Variants in KANSL1L observed in about 807,000 individuals in gnomAD.
The protein encoded by KANSL1L is KAT8 regulatory NSL complex subunit 1 like.
Under a neutral mutation model 108.6 loss-of-function variants are expected in KANSL1L, and 25 were observed. The ratio of observed to expected loss-of-function variants is 0.23; its 90% CI spans 0.17 to 0.32. The LOEUF (loss-of-function observed/expected upper bound fraction) is 0.32, where lower values mean the gene tolerates loss of function less well. Among genes scored for constraint, KANSL1L ranks in the 10% least tolerant of loss-of-function variants. The probability of loss-of-function intolerance (pLI) is 1.00; values close to 1 mark genes in which losing one functional copy is unlikely to be tolerated. For synonymous variants in KANSL1L, 405 were observed against 395.1 expected (o/e 1.03, Z -0.30); for missense variants, 1,137 against 1,125.7 (o/e 1.01, Z -0.14).
intron 6 of KANSL1L, among the ~76,000 whole-genome samples, chr2:210,048,374 CTT>C (rs984862462): frequency 1.8e-4 from 27 of 151,910 alleles, no homozygotes; most frequent in African/African-American, 5.6e-4. Flanking sequence ...TCTGTGCTGT[CTT>C]TTGTGTAATT....
chr2:210,121,687 G>A lies in KANSL1L; in HGVS notation c.1230+7344C>T, dbSNP rs372968967. ...GAAGAAGAAATAAAACTTTTTGGGG[G>A]GCAAATTTTTTAAAAAAGAAAAAGA... On this transcript the variant is annotated intron_variant, in intron 3 of 14. Transcript: ENST00000281772. 1.3e-4 allele frequency among the ~76,000 whole-genome samples: 20 copies of A among 151,914 alleles called. 1 individual carries two copies. The highest frequency in any genetic ancestry group is 4.8e-4 in the African/African-American group (20 of 41,416).
At chr2:210,057,505 T>A (rs1283942882) in intron 6 of KANSL1L, among the ~76,000 whole-genome samples, 1 of 152,008 alleles carries the variant, frequency 6.6e-6, no homozygotes, top group Admixed American at 6.6e-5. Context: ...ATTGAGACCA[T>A]CCTGGGTAAC....
intron 4 of KANSL1L, among the ~76,000 whole-genome samples, chr2:210,101,390 T>C (rs547042640): frequency 6.6e-6 from 1 of 152,176 alleles, no homozygotes; most frequent in Non-Finnish European, 1.5e-5. Flanking sequence ...ACTGGGGATA[T>C]CAAGGAGAAA....
rs369477361 is a variant in KANSL1L at position 210,064,432 on chromosome 2, C to T, written c.1755+11120G>A. 3 of 152,038 alleles carry T rather than the reference C, an allele frequency of 2.0e-5. No individual in the cohort carries two copies. The East Asian group carries it at 5.8e-4, about 29-fold the overall frequency. The allele number at this position is 152,038 out of a possible 1,614,324, so 9.4% of individuals were successfully genotyped here. A position where few individuals can be genotyped will look rare whatever the true frequency, so the allele number is the denominator to read the frequency against. The stretch of plus-strand genomic sequence containing the variant: ...TATGCTTTTTATTAATCCTGTCTAG[C>T]AAAGGAATCATAACCTCTGCAAATA... On this transcript the variant is annotated intron_variant, in intron 6 of 14. Coordinates refer to ENST00000281772, the MANE Select transcript of KANSL1L (RefSeq NM_152519.4).
At chr2:210,036,979 A>T (rs1017917798) in intron 8 of KANSL1L, among the ~76,000 whole-genome samples, 4 of 149,012 alleles carry the variant, frequency 2.7e-5, no homozygotes, top group Non-Finnish European at 6.0e-5. Context: ...CTGGTCTTGA[A>T]CTCTGGGCTC....
intron 6 of KANSL1L, among the ~76,000 whole-genome samples, chr2:210,052,018 T>C (rs1338038978): frequency 1.4e-4 from 21 of 149,928 alleles, no homozygotes; most frequent in Non-Finnish European, 3.0e-4. Context: ...TTTTTTTTTT[T>C]GAGACAAGGT....
intron 5 of KANSL1L, chr2:210,088,577 T>C (rs2094661680): frequency 6.6e-6 from 1 of 152,396 alleles, no homozygotes; most frequent in African/African-American, 2.4e-5. Context: ...TGAAAGCTGT[T>C]GAGCCACAGC....
intron 2 of KANSL1L, among the ~76,000 whole-genome samples, chr2:210,142,942 A>C (rs1015666102): frequency 6.6e-6 from 1 of 152,112 alleles, no homozygotes; most frequent in Non-Finnish European, 1.5e-5. Flanking sequence ...AATGTTCTAT[A>C]TATCTCTGTT....
At chr2:210,058,516 C>G (rs2094382044) in intron 6 of KANSL1L, among the ~76,000 whole-genome samples, 2 of 152,034 alleles carry the variant, frequency 1.3e-5, no homozygotes, top group South Asian at 4.1e-4. Flanking sequence ...AGTCCCCTCT[C>G]CTTTTGAAAA....
Position 210,098,082 on chromosome 2 carries a change from C to T in KANSL1L, c.1550+4G>A, listed in dbSNP as rs778278229. 7 of 1,602,054 alleles carry T rather than the reference C, an allele frequency of 4.4e-6. No homozygotes were observed. The African/African-American group carries it at 9.4e-5, about 22-fold the overall frequency. On this transcript the variant is annotated splice_donor_region_variant and intron_variant, in intron 5 of 14. Coordinates refer to ENST00000281772, the MANE Select transcript of KANSL1L (RefSeq NM_152519.4). ...AAAAGCTAAGCTATTCCATTGATACCTACCTCCTGTAAATGCCATTAGCCA... is the reference window on the plus strand; with the variant it reads ...AAAAGCTAAGCTATTCCATTGATACTTACCTCCTGTAAATGCCATTAGCCA...
intron 6 of KANSL1L, among the ~76,000 whole-genome samples, chr2:210,069,545 T>C (rs1391614953): frequency 6.6e-6 from 1 of 152,066 alleles, no homozygotes; most frequent in Non-Finnish European, 1.5e-5. Flanking sequence ...CCATAATAAA[T>C]TACCATAAGG....
upstream of KANSL1L, among the ~76,000 whole-genome samples, chr2:210,172,535 C>T (rs1411857343): frequency 6.6e-6 from 1 of 152,104 alleles, no homozygotes; most frequent in Non-Finnish European, 1.5e-5. Context: ...TTTTTATGAC[C>T]AGCTGCATTT....
chr2:210,133,290 A>G (rs1052423462), intron 2 of KANSL1L, among the ~76,000 whole-genome samples: 2 of 152,088 alleles, frequency 1.3e-5, no homozygotes, highest in Non-Finnish European at 2.9e-5. Flanking sequence ...AATACATAAT[A>G]CAAAGTTATT....
chr2:210,079,648 A>ATATATGTATGTG (rs1164689592), intron 5 of KANSL1L, among the ~76,000 whole-genome samples: 568 of 15,144 alleles, frequency 0.038, 43 homozygotes, highest in Middle Eastern at 0.12. Flanking sequence ...ATATATATAT[A>ATATATGTATGTG]TATATATATA....
intron 5 of KANSL1L, among the ~76,000 whole-genome samples, chr2:210,076,171 T>TTTTTTTGTTTTTTG (rs796078288): frequency 6.6e-6 from 1 of 152,112 alleles, no homozygotes; most frequent in Non-Finnish European, 1.5e-5. Context: ...TAGTTTCTGT[T>TTTTTTTGTTTTTTG]TTTTTTGTTT....
chr2:210,042,442 GT>G (rs2094175636), intron 7 of KANSL1L, among the ~76,000 whole-genome samples: 2 of 152,152 alleles, frequency 1.3e-5, no homozygotes, highest in Admixed American at 1.3e-4. Context: ...AGCTCTCAGG[GT>G]TATGTCATCA....
intron 1 of KANSL1L, among the ~76,000 whole-genome samples, chr2:210,165,505 T>C (rs1294587131): frequency 6.6e-6 from 1 of 152,080 alleles, no homozygotes; most frequent in Non-Finnish European, 1.5e-5. Context: ...ATTAATCTAA[T>C]AAAAACAAGG....
At chr2:210,043,712 T>G in intron 7 of KANSL1L, 1 of 350,294 alleles carries the variant, frequency 2.9e-6, no homozygotes, top group Non-Finnish European at 5.1e-6. Context: ...GTAAATCAAG[T>G]TGGTTTAGAA....
At chr2:210,085,829 T>C (rs1340354483) in intron 5 of KANSL1L, among the ~76,000 whole-genome samples, 1 of 151,038 alleles carries the variant, frequency 6.6e-6, no homozygotes, top group African/African-American at 2.4e-5. Context: ...AATTTATTAA[T>C]ATATTCACTT....
Sources: gnomAD v4.1 joint callset for allele counts (sites outside exome capture counted in the v4.1 genomes callset) on GRCh38, gnomAD v4.1.1 for gene constraint, MANE v1.5 for transcripts, NCBI Gene and HGNC (gene_info 2026-07-23, HGNC 2026-07-21) for gene names.